Variants in COL4A4 observed in about 807,000 individuals in gnomAD.
The protein encoded by COL4A4 is collagen alpha-4(IV) chain.
A neutral mutation model predicts 192.9 loss-of-function variants in COL4A4; 105 were observed. The ratio of observed to expected loss-of-function variants is 0.54; its 90% CI spans 0.46 to 0.64. The LOEUF is 0.64. Ranked by LOEUF, COL4A4 falls within the 30% of genes least tolerant of loss-of-function variation. The probability of loss-of-function intolerance (pLI) is 0.00; values close to 1 mark genes in which losing one functional copy is unlikely to be tolerated. For missense variants in COL4A4, 1,967 were observed against 2,169.3 expected, an observed-to-expected ratio of 0.91 and a Z score of 1.85; for synonymous variants, 762 against 769.9, an observed-to-expected ratio of 0.99 and a Z score of 0.17.
At chr2:227,124,057 A>G (rs1576684194) in intron 4 of COL4A4, among the ~76,000 whole-genome samples, 1 of 152,186 alleles carries the variant, frequency 6.6e-6, no homozygotes, top group Non-Finnish European at 1.5e-5. Context: ...TATTGTTATT[A>G]TATATTATTA....
At chr2:227,100,891 AC>A (rs2150764544) in intron 17 of COL4A4, among the ~76,000 whole-genome samples, 1 of 148,904 alleles carries the variant, frequency 6.7e-6, no homozygotes, top group African/African-American at 2.5e-5. Flanking sequence ...TGCAAGCTCC[AC>A]CTCCCAGGTT....
Position 227,060,155 on chromosome 2 carries a change from C to T in COL4A4, c.2145G>A (p.Ala715=), listed in dbSNP as rs773270107. Residue 715 remains alanine, a synonymous_variant, in exon 27 of 48, where the codon GCG becomes GCA. Transcript: ENST00000396625. ...HKGRPGTPGT[A]EIPGPPGFRG... ...ACTGACCAGGTGGACCTGGTATTTC[C>T]GCTGTTCCTGGTGTGCCAGGTCTGC... is the stretch of plus-strand genomic sequence containing the variant. 54 of 1,518,902 alleles carry T rather than the reference C, an allele frequency of 3.6e-5. No individual in the cohort carries two copies. The highest frequency in any genetic ancestry group is 4.7e-5 in the East Asian group (2 of 42,964). The allele number at this position is 1,518,902 out of a possible 1,614,324, so 94.1% of individuals were successfully genotyped here.
intron 20 of COL4A4, among the ~76,000 whole-genome samples, 169 bp from the exon 21 acceptor site, chr2:227,090,126 T>C (rs1216444794): frequency 6.6e-6 from 1 of 152,164 alleles, no homozygotes; most frequent in Non-Finnish European, 1.5e-5. Context: ...AATAAGAATA[T>C]ACACACATAT....
At chr2:227,022,224 G>A (rs190344052) in intron 43 of COL4A4, 51 bp from the exon 44 acceptor site, 4 of 1,611,868 alleles carry the variant, frequency 2.5e-6, no homozygotes, top group Non-Finnish European at 8.5e-7. Flanking sequence ...TTATGAACAA[G>A]CTCCTTCTAC....
chr2:227,041,066 GA>G (rs1970716100), intron 37 of COL4A4, among the ~76,000 whole-genome samples: 1 of 151,744 alleles, frequency 6.6e-6, no homozygotes, highest in Admixed American at 6.6e-5. Flanking sequence ...ATTCTTGATC[GA>G]AAAAAGATGA....
chr2:227,010,823 C>T (rs1353878234), intron 45 of COL4A4, among the ~76,000 whole-genome samples: 1 of 152,140 alleles, frequency 6.6e-6, no homozygotes, highest in African/African-American at 2.4e-5. Flanking sequence ...ATAAGCATAA[C>T]AAAAAGTTAA....
chr2:227,015,045 C>T (rs1964588588), intron 44 of COL4A4, among the ~76,000 whole-genome samples: 1 of 151,994 alleles, frequency 6.6e-6, no homozygotes, highest in South Asian at 2.1e-4. Context: ...ACTACAGGTG[C>T]ACGCCACCAA....
the COL4A4 span, among the ~76,000 whole-genome samples, chr2:226,993,984 G>C: frequency 7.0e-4 from 106 of 152,264 alleles, no homozygotes; most frequent in Non-Finnish European, 9.4e-4. Context: ...ACTGTGCTTT[G>C]CCCACCCTCC....
chr2:227,141,296 C>G (rs73993693), intron 3 of COL4A4, among the ~76,000 whole-genome samples: 1,700 of 152,314 alleles, frequency 0.011, 35 homozygotes, highest in African/African-American at 0.039. Flanking sequence ...ATTGATCAAC[C>G]TTTTTAAACT....
At chr2:227,145,190 G>A (rs2063467857) in intron 2 of COL4A4, among the ~76,000 whole-genome samples, 1 of 152,162 alleles carries the variant, frequency 6.6e-6, no homozygotes, top group Non-Finnish European at 1.5e-5. Context: ...GCTCAGGCTT[G>A]TAATCCCAGA....
chr2:227,074,693 T>C lies in COL4A4; in HGVS notation c.1987+3201A>G, dbSNP rs955191005. Among the ~76,000 whole-genome samples the C allele has an allele frequency of 3.3e-5, 5 of 152,212 alleles. No individual in the cohort carries two copies. The East Asian group carries it at 9.7e-4, about 29-fold the overall frequency. On this transcript the variant is annotated intron_variant, in intron 25 of 47. Coordinates refer to ENST00000396625, the MANE Select transcript of COL4A4 (RefSeq NM_000092.5). ...ATGAGTGGATAAAGAAAATGTGGTA[T>C]ACAAAAAACATGGAATACTACTCAG... is the stretch of plus-strand genomic sequence containing the variant.
chr2:227,150,144 AT>A (rs1241380201), intron 1 of COL4A4, among the ~76,000 whole-genome samples: 2 of 152,178 alleles, frequency 1.3e-5, no homozygotes, highest in African/African-American at 2.4e-5. Flanking sequence ...TTGAATGTAA[AT>A]CAAGTATATT....
At chr2:226,994,764 T>G in the COL4A4 span, among the ~76,000 whole-genome samples, 2 of 152,336 alleles carry the variant, frequency 1.3e-5, no homozygotes, top group African/African-American at 4.8e-5. Context: ...TCTTATGTAG[T>G]GATTGAAATT....
chr2:227,091,469 A>G (rs898984424), intron 20 of COL4A4, among the ~76,000 whole-genome samples: 3 of 148,064 alleles, frequency 2.0e-5, no homozygotes, highest in African/African-American at 5.3e-5. Context: ...TGACAGATAG[A>G]TAGAGTACAG....
chr2:227,136,911 GT>G (rs11344054), intron 4 of COL4A4, among the ~76,000 whole-genome samples: 66,549 of 151,936 alleles, frequency 0.44, 15,122 homozygotes, highest in African/African-American at 0.55. Context: ...CCCGTGAGCT[GT>G]CACTGCAGCT....
At chr2:227,109,424 T>C (rs543524527) in intron 9 of COL4A4, 138 bp from the exon 10 acceptor site, 1 of 772,536 alleles carries the variant, frequency 1.3e-6, no homozygotes, top group South Asian at 1.4e-5. Context: ...GCTAGGACAT[T>C]TTCAACAGCA....
the COL4A4 span, among the ~76,000 whole-genome samples, chr2:226,994,284 G>A: frequency 1.3e-5 from 2 of 152,202 alleles, no homozygotes; most frequent in African/African-American, 4.8e-5. Flanking sequence ...AGGTCAGGGG[G>A]TCCCCTACCA....
In COL4A4 at chr2:227,008,148, C is replaced by T. The variant is rs747362746; in HGVS notation, c.4679G>A (p.Arg1560His). 24 of 1,613,804 alleles carry T rather than the reference C, an allele frequency of 1.5e-5. No homozygotes were observed. Among genetic ancestry groups the T allele is most frequent in the South Asian group, 9.9e-5 (9 of 91,052 alleles). ...PMMPLSEEAI[R>H]PYVSRCAVCE... ...TACCGCACAGCGGCTGACATAGGGG[C>T]GGATCGCCTCTTCAGAGAGTGGCAT... Residue 1560 changes from arginine (R) to histidine (H), a missense_variant, in exon 47 of 48, where the codon CGC becomes CAC. Transcript: ENST00000396625.
In COL4A4 at chr2:227,160,647, G is replaced by A. The variant is rs6712984; in HGVS notation, c.-102+3360C>T. Among the ~76,000 whole-genome samples the A allele has an allele frequency of 4.6e-3, 696 of 152,284 alleles. 2 individuals carry two copies. The highest frequency in any genetic ancestry group is 0.016 in the African/African-American group (663 of 41,546). Reference sequence around the variant, plus strand: ...AGCCTCTGGACTGGGGGGATTGTTTGTAACTGCCTCTAAAGTCACCTGTCC... The same window carrying A: ...AGCCTCTGGACTGGGGGGATTGTTTATAACTGCCTCTAAAGTCACCTGTCC... On this transcript the variant is annotated intron_variant, in intron 1 of 47. Coordinates refer to ENST00000396625, the MANE Select transcript of COL4A4 (RefSeq NM_000092.5).
Sources: allele counts gnomAD v4.1 joint callset (sites outside exome capture counted in the v4.1 genomes callset), GRCh38; gene constraint gnomAD v4.1.1; transcripts MANE v1.5; gene names NCBI Gene and HGNC (gene_info 2026-07-23, HGNC 2026-07-21).